Variants in ITGA8 observed in about 807,000 individuals in gnomAD.
The protein encoded by ITGA8 is integrin subunit alpha 8.
A neutral mutation model predicts 142.3 loss-of-function variants in ITGA8; 91 were observed. That is an observed-to-expected ratio of 0.64 (90% CI 0.54 to 0.76). ITGA8 has a LOEUF of 0.76. Among genes scored for constraint, ITGA8 ranks in the 30% least tolerant of loss-of-function variants. ITGA8 has a pLI of 0.00. For synonymous variants in ITGA8, 505 were observed against 485.2 expected (o/e 1.04, Z -0.54); for missense variants, 1,406 against 1,327.7 (o/e 1.06, Z -0.92).
At chr10:15,703,710 C>G (rs2131729505) in intron 2 of ITGA8, among the ~76,000 whole-genome samples, 1 of 152,282 alleles carries the variant, frequency 6.6e-6, no homozygotes, top group South Asian at 2.1e-4. Flanking sequence ...CCAATAGAGG[C>G]TGGAACAGTT....
At chr10:15,714,421 A>C (rs1028754529) in intron 2 of ITGA8, among the ~76,000 whole-genome samples, 12 of 152,224 alleles carry the variant, frequency 7.9e-5, no homozygotes, top group African/African-American at 2.9e-4. Context: ...AAGTGAAAGA[A>C]ACCAATTTGG....
Position 15,604,458 on chromosome 10 carries a change from CA to C in ITGA8, c.1971-104del, listed in dbSNP as rs3216027. ...AGGAGGAAAAGAAAAATGGCAAGTG[CA>C]AAAAAAGAAGATGGACCATCATGAA... is the stretch of plus-strand genomic sequence containing the variant. On this transcript the variant is annotated intron_variant, in intron 19 of 29. Coordinates refer to ENST00000378076, the MANE Select transcript of ITGA8 (RefSeq NM_003638.3). 0.29 allele frequency: 239,588 copies of C among 814,778 alleles called. 38,819 individuals carry two copies. The highest frequency in any genetic ancestry group is 0.32 in the Non-Finnish European group (174,391 of 547,348). The allele number at this position is 814,778 out of a possible 1,614,324, so 50.5% of individuals were successfully genotyped here.
At chr10:15,528,504 G>A in intron 28 of ITGA8, among the ~76,000 whole-genome samples, 1 of 96,020 alleles carries the variant, frequency 1.0e-5, no homozygotes, top group African/African-American at 3.5e-5. Flanking sequence ...CAGATAAAAA[G>A]TCTTTTTTTT....
intron 25 of ITGA8, 81 bp from the exon 26 acceptor site, chr10:15,558,283 ATT>A (rs1043393742): frequency 2.7e-6 from 4 of 1,487,802 alleles, no homozygotes; most frequent in Non-Finnish European, 3.6e-6. Flanking sequence ...ACTCTAGGCA[ATT>A]TTTTTTTCTC....
chr10:15,570,610 CAAAAAAA>C (rs931457896), intron 25 of ITGA8, among the ~76,000 whole-genome samples: 7 of 40,032 alleles, frequency 1.7e-4, no homozygotes, highest in Non-Finnish European at 3.0e-4. Context: ...AACTCCATCT[CAAAAAAA>C]AAAAAAAAAA....
chr10:15,653,035 G>T (rs139715080), intron 11 of ITGA8, among the ~76,000 whole-genome samples: 169 of 152,340 alleles, frequency 1.1e-3, no homozygotes, highest in Non-Finnish European at 2.0e-3. Flanking sequence ...TGGCAGTTTG[G>T]AGTAAATGCA....
chr10:15,632,968 G>A (rs180980769), intron 13 of ITGA8, among the ~76,000 whole-genome samples: 1 of 152,180 alleles, frequency 6.6e-6, no homozygotes, highest in East Asian at 1.9e-4. Flanking sequence ...ACATCACGTG[G>A]TTCATCTCAT....
chr10:15,672,084 C>A (rs1275486266), intron 7 of ITGA8, among the ~76,000 whole-genome samples: 1 of 152,140 alleles, frequency 6.6e-6, no homozygotes, highest in Non-Finnish European at 1.5e-5. Flanking sequence ...CTTCCTAATA[C>A]CTCATGATGG....
At chr10:15,565,573 A>ATTTTT (rs71374633) in intron 25 of ITGA8, among the ~76,000 whole-genome samples, 1,271 of 34,808 alleles carry the variant, frequency 0.037, 293 homozygotes, top group Non-Finnish European at 0.045. Flanking sequence ...TCATGTCCTG[A>ATTTTT]TTTTTTTTTT....
chr10:15,609,478 C>G (rs1482252683), intron 15 of ITGA8, among the ~76,000 whole-genome samples: 2 of 152,078 alleles, frequency 1.3e-5, no homozygotes, highest in African/African-American at 4.8e-5. Context: ...CTGCTGTGAC[C>G]TCAGTCAATG....
At chr10:15,548,790 G>A (rs554833437) in intron 26 of ITGA8, among the ~76,000 whole-genome samples, 2 of 152,258 alleles carry the variant, frequency 1.3e-5, no homozygotes, top group Admixed American at 6.5e-5. Context: ...CTTTTCGAAC[G>A]ACTTTAAGAG....
At chr10:15,719,508 C>T in intron 1 of ITGA8, 55 bp downstream of exon 1, 2 of 1,460,310 alleles carry the variant, frequency 1.4e-6, no homozygotes, top group Middle Eastern at 2.0e-4. Flanking sequence ...CCGCTGGGAC[C>T]TGACCCGGGA....
Position 15,665,192 on chromosome 10 carries a change from G to C in ITGA8, c.848-4270C>G, listed in dbSNP as rs143410224. On this transcript the variant is annotated intron_variant, in intron 8 of 29. Transcript: ENST00000378076. ...TCCAGCACCTGTTGTTTCCTGACTT[G>C]TTAATGATCGCCATTCTAACTATTG... 2.0e-5 allele frequency among the ~76,000 whole-genome samples: 3 copies of C among 151,982 alleles called. No homozygotes were observed. In the East Asian group the frequency reaches 5.8e-4, roughly 29 times the overall value.
intron 15 of ITGA8, among the ~76,000 whole-genome samples, chr10:15,610,123 A>G (rs748773491): frequency 3.9e-5 from 6 of 152,136 alleles, no homozygotes; most frequent in Non-Finnish European, 5.9e-5. Context: ...TCACTGCTAC[A>G]ATGTACTGAA....
chr10:15,683,433 G>T (rs1834779171), intron 4 of ITGA8, among the ~76,000 whole-genome samples: 1 of 151,974 alleles, frequency 6.6e-6, no homozygotes, highest in African/African-American at 2.4e-5. Flanking sequence ...TTGCTTTAAA[G>T]ACTGCTTGGC....
At chr10:15,708,338 A>T (rs1439795982) in intron 2 of ITGA8, among the ~76,000 whole-genome samples, 1 of 152,204 alleles carries the variant, frequency 6.6e-6, no homozygotes, top group African/African-American at 2.4e-5. Flanking sequence ...CTTTGTGGTA[A>T]AGAATGGATA....
intron 22 of ITGA8, among the ~76,000 whole-genome samples, chr10:15,590,624 G>A (rs1204519309): frequency 6.6e-6 from 1 of 152,040 alleles, no homozygotes; most frequent in African/African-American, 2.4e-5. Flanking sequence ...GCCATGACGT[G>A]TTTTGTTTGT....
chr10:15,688,041 G>C lies in ITGA8; in HGVS notation c.344-3C>G. 6.3e-7 allele frequency: 1 copy of C among 1,587,450 alleles called. No homozygotes were observed. The highest frequency in any genetic ancestry group is 2.2e-5 in the East Asian group (1 of 44,748). Reference sequence around the variant, plus strand: ...ATTAACTCTGATCTTTCTGTTGTCTGTCAAAGAAGATAGGAAGAGTTAATA... The same window carrying C: ...ATTAACTCTGATCTTTCTGTTGTCTCTCAAAGAAGATAGGAAGAGTTAATA... On this transcript the variant is annotated splice_polypyrimidine_tract_variant and splice_region_variant and intron_variant, in intron 2 of 29. Coordinates refer to ENST00000378076, the MANE Select transcript of ITGA8 (RefSeq NM_003638.3).
chr10:15,650,909 AT>A (rs1470644097), intron 11 of ITGA8, among the ~76,000 whole-genome samples: 1 of 152,146 alleles, frequency 6.6e-6, no homozygotes, highest in Non-Finnish European at 1.5e-5. Context: ...TTATGGTTTA[AT>A]TTTTTAGAGT....
Sources: gnomAD v4.1 joint callset for allele counts (sites outside exome capture counted in the v4.1 genomes callset) on GRCh38, gnomAD v4.1.1 for gene constraint, MANE v1.5 for transcripts, NCBI Gene and HGNC (gene_info 2026-07-23, HGNC 2026-07-21) for gene names.